Variants in PCNX2 observed in about 807,000 individuals in gnomAD.
PCNX2 encodes the protein pecanex 2.
In PCNX2, 168 loss-of-function variants were observed where a neutral mutation model predicts 223.8. That is an observed-to-expected ratio of 0.75 (90% CI 0.66 to 0.85). The LOEUF (loss-of-function observed/expected upper bound fraction) is 0.85, where lower values mean the gene tolerates loss of function less well. Ranked by LOEUF, PCNX2 falls within the 40% of genes least tolerant of loss-of-function variation. PCNX2 has a pLI of 0.00. For missense variants in PCNX2, 2,507 were observed against 2,675.5 expected (o/e 0.94, Z 1.39); for synonymous variants, 1,006 against 1,052.6 (o/e 0.96, Z 0.86).
intron 1 of PCNX2, among the ~76,000 whole-genome samples, chr1:233,265,040 G>A (rs1660254028): frequency 6.6e-6 from 1 of 151,946 alleles, no homozygotes; most frequent in Non-Finnish European, 1.5e-5. Flanking sequence ...GAGTTCAAGA[G>A]CAGCCTGGGC....
At chr1:233,227,529 A>C (rs1484244522) in intron 9 of PCNX2, among the ~76,000 whole-genome samples, 158 bp from the exon 10 acceptor site, 1 of 152,110 alleles carries the variant, frequency 6.6e-6, no homozygotes, top group Non-Finnish European at 1.5e-5. Flanking sequence ...ATGTAAACCA[A>C]CATATTTCAT....
intron 5 of PCNX2, among the ~76,000 whole-genome samples, chr1:233,255,888 G>T (rs1007215199): frequency 2.0e-5 from 3 of 152,140 alleles, no homozygotes; most frequent in African/African-American, 7.2e-5. Flanking sequence ...TGAAAGAAGA[G>T]TAAGGATATT....
chr1:233,074,512 G>A (rs1002536759), intron 23 of PCNX2, among the ~76,000 whole-genome samples: 12 of 144,506 alleles, frequency 8.3e-5, no homozygotes, highest in African/African-American at 1.3e-4. Context: ...GGAGAATGGC[G>A]TGAACCCGGG....
At chr1:233,069,906 A>G (rs973288974) in intron 23 of PCNX2, among the ~76,000 whole-genome samples, 2 of 152,176 alleles carry the variant, frequency 1.3e-5, no homozygotes, top group African/African-American at 4.8e-5. Flanking sequence ...ATTGAAAAAT[A>G]AATGAGAAAA....
intron 4 of PCNX2, among the ~76,000 whole-genome samples, chr1:233,260,807 C>CA (rs889194197): frequency 7.5e-4 from 86 of 114,170 alleles, no homozygotes; most frequent in South Asian, 5.2e-3. Context: ...AGTCAAAAGA[C>CA]AAAAAAAAAA....
chr1:233,275,317 T>C (rs6679431), intron 1 of PCNX2, among the ~76,000 whole-genome samples: 59,602 of 151,826 alleles, frequency 0.39, 12,603 homozygotes, highest in African/African-American at 0.56. Context: ...ATTCTCCTGC[T>C]TCAGCCTCCT....
At chr1:233,246,240 G>A (rs1659114332) in intron 8 of PCNX2, among the ~76,000 whole-genome samples, 1 of 151,698 alleles carries the variant, frequency 6.6e-6, no homozygotes, top group African/African-American at 2.4e-5. Context: ...TGGGATAAAT[G>A]CCCTTCAGAT....
intron 25 of PCNX2, among the ~76,000 whole-genome samples, chr1:233,049,557 G>A (rs1671927265): frequency 6.6e-6 from 1 of 152,074 alleles, no homozygotes; most frequent in Non-Finnish European, 1.5e-5. Context: ...AACAAGACAA[G>A]GATGCCCACT....
chr1:233,116,656 C>T (rs1327142725), intron 21 of PCNX2, among the ~76,000 whole-genome samples: 1 of 151,918 alleles, frequency 6.6e-6, no homozygotes, highest in East Asian at 1.9e-4. Context: ...TAAAGCAGTG[C>T]ACAGAAGGAA....
At chr1:233,137,704 A>G (rs915807040) in intron 20 of PCNX2, among the ~76,000 whole-genome samples, 2 of 152,198 alleles carry the variant, frequency 1.3e-5, no homozygotes, top group Non-Finnish European at 2.9e-5. Context: ...TGAAGGTTTT[A>G]TAAAGGCTGA....
chr1:233,324,623 C>T, the PCNX2 span, among the ~76,000 whole-genome samples: 142 of 119,824 alleles, frequency 1.2e-3, no homozygotes, highest in African/African-American at 4.3e-3. Flanking sequence ...TTTTTTGAGA[C>T]GGAGTCTTGC....
intron 1 of PCNX2, among the ~76,000 whole-genome samples, chr1:233,293,164 T>C (rs1314270023): frequency 5.3e-5 from 8 of 152,200 alleles, no homozygotes; most frequent in Non-Finnish European, 1.0e-4. Flanking sequence ...TAGAGTTTTA[T>C]AAAAATGAGC....
intron 12 of PCNX2, among the ~76,000 whole-genome samples, chr1:233,217,030 C>G (rs61823927): frequency 6.6e-6 from 1 of 151,850 alleles, no homozygotes; most frequent in South Asian, 2.1e-4. Flanking sequence ...ATAGAAAAAG[C>G]GAATAGAATG....
intron 21 of PCNX2, among the ~76,000 whole-genome samples, chr1:233,102,689 T>C (rs1444825427): frequency 2.6e-5 from 4 of 152,170 alleles, no homozygotes; most frequent in Admixed American, 1.3e-4. Context: ...TTCAGAACTT[T>C]TGCCCATTTC....
chr1:233,221,882 A>G (rs1657400467), intron 10 of PCNX2, among the ~76,000 whole-genome samples: 1 of 152,214 alleles, frequency 6.6e-6, no homozygotes, highest in South Asian at 2.1e-4. Context: ...TAGGAAGGGG[A>G]GCCAATTTGC....
At chr1:233,067,301 G>A (rs72762091) in intron 23 of PCNX2, among the ~76,000 whole-genome samples, 21,861 of 126,366 alleles carry the variant, frequency 0.17, 2,157 homozygotes, top group African/African-American at 0.31. Context: ...TAAATTAGCC[G>A]CCATAAAAAT....
chr1:233,052,122 A>G (rs985512228), intron 25 of PCNX2, among the ~76,000 whole-genome samples: 1 of 152,206 alleles, frequency 6.6e-6, no homozygotes, highest in African/African-American at 2.4e-5. Flanking sequence ...AGATTCTTAA[A>G]ATTCAGAAAA....
At chr1:233,087,154 TA>T (rs1673648815) in intron 23 of PCNX2, 1 of 985,280 alleles carries the variant, frequency 1.0e-6, no homozygotes, top group East Asian at 1.1e-4. Flanking sequence ...CTTGAAGTAT[TA>T]AAATGGTTTT....
At chr1:233,248,317 C>G (rs962874726) in intron 8 of PCNX2, among the ~76,000 whole-genome samples, 1 of 151,970 alleles carries the variant, frequency 6.6e-6, no homozygotes, top group South Asian at 2.1e-4. Context: ...TGTGTGTGTA[C>G]GTAAGCCCAG....
Sources: allele counts gnomAD v4.1 joint callset (sites outside exome capture counted in the v4.1 genomes callset), GRCh38; gene constraint gnomAD v4.1.1; transcripts MANE v1.5; gene names NCBI Gene and HGNC (gene_info 2026-07-23, HGNC 2026-07-21).